LRBA: variants seen among roughly 807,000 people sequenced by gnomAD.
LRBA encodes LPS responsive beige-like anchor protein, also known as lipopolysaccharide-responsive and beige-like anchor protein.
A neutral mutation model predicts 330.0 loss-of-function variants in LRBA; 176 were observed. That is an observed-to-expected ratio of 0.53 (90% CI 0.47 to 0.60). LRBA has a LOEUF of 0.60. Ranked by LOEUF, LRBA falls within the 20% of genes least tolerant of loss-of-function variation. The pLI, the probability that LRBA is intolerant of heterozygous loss-of-function variation, is 0.00. For missense variants in LRBA, 3,259 were observed against 3,444.8 expected (o/e 0.95, Z 1.35); for synonymous variants, 1,230 against 1,193.0 (o/e 1.03, Z -0.64).
intron 37 of LRBA, among the ~76,000 whole-genome samples, chr4:150,603,136 C>A (rs1774289459): frequency 6.6e-6 from 1 of 152,150 alleles, no homozygotes; most frequent in African/African-American, 2.4e-5. Flanking sequence ...AAGACATAAG[C>A]CCTTCTCTAC....
At chr4:150,887,768 C>CAAA (rs33950813) in intron 17 of LRBA, among the ~76,000 whole-genome samples, 48 of 82,202 alleles carry the variant, frequency 5.8e-4, no homozygotes, top group Non-Finnish European at 1.0e-3. Flanking sequence ...GACTCCGTCT[C>CAAA]AAAAAAAAAA....
At chr4:150,396,911 C>A (rs1254669353) in intron 47 of LRBA, among the ~76,000 whole-genome samples, 2 of 152,096 alleles carry the variant, frequency 1.3e-5, no homozygotes, top group African/African-American at 4.8e-5. Flanking sequence ...AATCTTAATA[C>A]AACTACAAAA....
At chr4:150,701,633 C>T (rs1785135031) in intron 36 of LRBA, among the ~76,000 whole-genome samples, 1 of 152,094 alleles carries the variant, frequency 6.6e-6, no homozygotes, top group East Asian at 1.9e-4. Context: ...ATATATAAAG[C>T]AAATATTGTC....
chr4:150,782,087 T>C (rs554232162), intron 34 of LRBA, among the ~76,000 whole-genome samples: 1 of 152,168 alleles, frequency 6.6e-6, no homozygotes, highest in South Asian at 2.1e-4. Flanking sequence ...TTGCATATTT[T>C]GTAGAAACAG....
intron 2 of LRBA, among the ~76,000 whole-genome samples, chr4:151,009,422 G>A (rs1472708724): frequency 4.0e-5 from 6 of 151,630 alleles, no homozygotes; most frequent in Non-Finnish European, 5.9e-5. Flanking sequence ...GGTGGCACAC[G>A]CCTGTAATCC....
chr4:150,297,188 T>C (rs540089975), intron 53 of LRBA, among the ~76,000 whole-genome samples: 9 of 152,246 alleles, frequency 5.9e-5, no homozygotes, highest in Non-Finnish European at 1.2e-4. Context: ...GTACAGTCAT[T>C]TTTCTCTGCA....
chr4:150,414,139 C>T (rs1021290830), intron 47 of LRBA, among the ~76,000 whole-genome samples: 1 of 152,070 alleles, frequency 6.6e-6, no homozygotes, highest in Admixed American at 6.5e-5. Flanking sequence ...CTCATAATTT[C>T]AAAATTACAA....
chr4:150,479,273 T>C (rs1209003077), intron 42 of LRBA, among the ~76,000 whole-genome samples: 1 of 151,988 alleles, frequency 6.6e-6, no homozygotes, highest in Non-Finnish European at 1.5e-5. Flanking sequence ...AGCAAGACCC[T>C]GCCTTTAAAA....
Position 150,470,876 on chromosome 4 carries a change from C to CACACACACACACACACACACACACCA in LRBA, c.6667+747_6667+748insTGGTGTGTGTGTGTGTGTGTGTGTGT, listed in dbSNP as rs1554034850. Among the ~76,000 whole-genome samples, 43 of 143,788 alleles carry CACACACACACACACACACACACACCA rather than the reference C, an allele frequency of 3.0e-4. 1 individual carries two copies. Among genetic ancestry groups the CACACACACACACACACACACACACCA allele is most frequent in the Non-Finnish European group, 4.6e-4 (30 of 65,720 alleles). 94.3% of individuals were successfully genotyped at this position (143,788 alleles called of 152,430 possible). ...ACACACACACACACACACACACACA[C>CACACACACACACACACACACACACCA]CACACACTAAATTACTTCCTAACTT... On this transcript the variant is annotated intron_variant, in intron 43 of 56. Coordinates refer to ENST00000651943, the MANE Select transcript of LRBA (RefSeq NM_001364905.1).
intron 30 of LRBA, among the ~76,000 whole-genome samples, chr4:150,824,052 C>T (rs1023309096): frequency 1.3e-5 from 2 of 152,214 alleles, no homozygotes; most frequent in Non-Finnish European, 2.9e-5. Context: ...ATTAATTCTT[C>T]CAATCCATGA....
intron 35 of LRBA, among the ~76,000 whole-genome samples, chr4:150,751,436 A>ATT (rs901446336): frequency 6.6e-6 from 1 of 150,954 alleles, no homozygotes; most frequent in African/African-American, 2.4e-5. Context: ...TATCTAAATG[A>ATT]TTTTTTTTTG....
chr4:150,905,453 G>A (rs990769324), intron 13 of LRBA, among the ~76,000 whole-genome samples: 6 of 151,752 alleles, frequency 4.0e-5, no homozygotes, highest in Admixed American at 6.6e-5. Context: ...CAAAGCTACA[G>A]TTACTAGGAA....
intron 35 of LRBA, among the ~76,000 whole-genome samples, chr4:150,750,701 G>A (rs1733410092): frequency 1.3e-5 from 2 of 151,886 alleles, no homozygotes; most frequent in African/African-American, 4.8e-5. Context: ...CCAAAGTGCT[G>A]GGATTACAGG....
chr4:150,312,771 A>G (rs1231547741), intron 51 of LRBA, among the ~76,000 whole-genome samples: 1 of 152,168 alleles, frequency 6.6e-6, no homozygotes, highest in East Asian at 1.9e-4. Flanking sequence ...TCTTAATAAT[A>G]GATCACTATA....
intron 44 of LRBA, among the ~76,000 whole-genome samples, chr4:150,440,130 A>G (rs537681932): frequency 6.6e-6 from 1 of 152,292 alleles, no homozygotes; most frequent in South Asian, 2.1e-4. Context: ...CAATGTAACA[A>G]GCTTGACAAA....
chr4:151,005,602 CTTTTT>C (rs1187161237), intron 2 of LRBA, among the ~76,000 whole-genome samples: 2 of 103,012 alleles, frequency 1.9e-5, no homozygotes, highest in Non-Finnish European at 3.7e-5. Context: ...GTTACCCAGG[CTTTTT>C]TTTTTTTTTT....
intron 2 of LRBA, among the ~76,000 whole-genome samples, chr4:150,997,002 T>C (rs185475939): frequency 4.3e-4 from 65 of 152,312 alleles, no homozygotes; most frequent in African/African-American, 1.5e-3. Flanking sequence ...TTCCATTCTA[T>C]TATAACTGGA....
intron 2 of LRBA, among the ~76,000 whole-genome samples, chr4:150,986,803 T>A (rs1271533921): frequency 6.6e-6 from 1 of 151,324 alleles, no homozygotes; most frequent in Non-Finnish European, 1.5e-5. Context: ...AGAATACAGA[T>A]CCCAAGGAAA....
At chr4:150,999,367 C>CA (rs1445099359) in intron 2 of LRBA, among the ~76,000 whole-genome samples, 1 of 151,524 alleles carries the variant, frequency 6.6e-6, no homozygotes, top group African/African-American at 2.4e-5. Context: ...CTCTCCCCCA[C>CA]AAAAAAACTT....
Sources: allele counts gnomAD v4.1 joint callset (sites outside exome capture counted in the v4.1 genomes callset), GRCh38; gene constraint gnomAD v4.1.1; transcripts MANE v1.5; gene names NCBI Gene and HGNC (gene_info 2026-07-23, HGNC 2026-07-21).